The following NBAS variants were observed in gnomAD, a reference collection of about 807,000 sequenced individuals.
NBAS encodes NAG/BC035112 fusion.
In NBAS, 219 loss-of-function variants were observed where a neutral mutation model predicts 302.5. That is an observed-to-expected ratio of 0.72 (90% CI 0.65 to 0.81). NBAS has a LOEUF of 0.81. Among genes scored for constraint, NBAS ranks in the 30% least tolerant of loss-of-function variants. The probability of loss-of-function intolerance (pLI) is 0.00; values close to 1 mark genes in which losing one functional copy is unlikely to be tolerated. For missense variants in NBAS, 2,932 were observed against 2,841.6 expected, an observed-to-expected ratio of 1.03 and a Z score of -0.72; for synonymous variants, 1,118 against 1,021.6, an observed-to-expected ratio of 1.09 and a Z score of -1.80.
the NBAS span, among the ~76,000 whole-genome samples, chr2:14,834,487 T>C: frequency 6.6e-6 from 1 of 152,238 alleles, no homozygotes; most frequent in Non-Finnish European, 1.5e-5. Flanking sequence ...GTAAAAAATA[T>C]CCATTATGCA....
chr2:14,849,479 G>A, the NBAS span, among the ~76,000 whole-genome samples: 1 of 151,880 alleles, frequency 6.6e-6, no homozygotes, highest in African/African-American at 2.4e-5. Context: ...GTGATGCGGA[G>A]AATGGAACCA....
intron 16 of NBAS, among the ~76,000 whole-genome samples, chr2:15,469,417 A>T (rs1679861460): frequency 1.3e-5 from 2 of 152,086 alleles, no homozygotes; most frequent in Admixed American, 6.6e-5. Context: ...GTTATTGTGG[A>T]AGACAGTGTG....
At chr2:14,984,173 A>G in the NBAS span, among the ~76,000 whole-genome samples, 2 of 152,170 alleles carry the variant, frequency 1.3e-5, no homozygotes, top group African/African-American at 4.8e-5. Flanking sequence ...CCCAAGCCCC[A>G]CGATGTACCT....
the NBAS span, among the ~76,000 whole-genome samples, chr2:14,965,701 A>G: frequency 6.6e-6 from 1 of 152,194 alleles, no homozygotes; most frequent in Admixed American, 6.5e-5. Context: ...CCTAGAGCAA[A>G]ACCAAAAAAT....
the NBAS span, among the ~76,000 whole-genome samples, chr2:15,136,920 G>C: frequency 6.6e-6 from 1 of 152,142 alleles, no homozygotes; most frequent in Admixed American, 6.5e-5. Flanking sequence ...TGCCATGATT[G>C]TAAGTTTCCT....
the NBAS span, among the ~76,000 whole-genome samples, chr2:14,828,480 T>C: frequency 1.3e-5 from 2 of 152,184 alleles, no homozygotes; most frequent in Non-Finnish European, 2.9e-5. Context: ...TCAGACCACA[T>C]TGGGTCTTTC....
the NBAS span, among the ~76,000 whole-genome samples, chr2:15,017,609 A>T: frequency 1.3e-5 from 2 of 152,120 alleles, no homozygotes; most frequent in African/African-American, 2.4e-5. Flanking sequence ...TCAAAACCAC[A>T]ATGAAGAATC....
At chr2:15,239,703 C>CATATAT in intron 44 of NBAS, among the ~76,000 whole-genome samples, 2 of 151,030 alleles carry the variant, frequency 1.3e-5, no homozygotes, top group Admixed American at 1.3e-4. Flanking sequence ...TATGCATATA[C>CATATAT]ATATATATAT....
intron 11 of NBAS, among the ~76,000 whole-genome samples, chr2:15,496,973 T>C (rs1681096030): frequency 6.6e-6 from 1 of 151,882 alleles, no homozygotes; most frequent in Non-Finnish European, 1.5e-5. Context: ...ATATGAAAAA[T>C]AGAGCTGATG....
chr2:14,827,179 A>C, the NBAS span, among the ~76,000 whole-genome samples: 1 of 152,238 alleles, frequency 6.6e-6, no homozygotes, highest in South Asian at 2.1e-4. Context: ...TTGAACCACC[A>C]CAGAGCAAGG....
At chr2:15,370,921 C>CA (rs1262782518) in intron 31 of NBAS, among the ~76,000 whole-genome samples, 2 of 152,132 alleles carry the variant, frequency 1.3e-5, no homozygotes, top group Admixed American at 1.3e-4. Context: ...TGGGGGACTG[C>CA]AGGGAAGGCA....
At chr2:15,024,877 G>T in the NBAS span, among the ~76,000 whole-genome samples, 12 of 152,172 alleles carry the variant, frequency 7.9e-5, no homozygotes, top group South Asian at 8.3e-4. Flanking sequence ...TTAATCAGAT[G>T]TACAGTTTGC....
At chr2:15,505,300 A>C (rs764828663) in intron 10 of NBAS, among the ~76,000 whole-genome samples, 4 of 152,118 alleles carry the variant, frequency 2.6e-5, no homozygotes, top group Non-Finnish European at 5.9e-5. Flanking sequence ...TACCACCAAA[A>C]AGACTAAGTC....
chr2:15,343,343 T>C (rs1053208398), intron 35 of NBAS, among the ~76,000 whole-genome samples: 1 of 152,120 alleles, frequency 6.6e-6, no homozygotes, highest in African/African-American at 2.4e-5. Context: ...ACCACAATAC[T>C]ACAGAATCAT....
At chr2:15,186,122 A>ATT (rs1665069487) in intron 50 of NBAS, among the ~76,000 whole-genome samples, 1 of 150,412 alleles carries the variant, frequency 6.6e-6, no homozygotes, top group African/African-American at 2.5e-5. Context: ...ATGTGTATGT[A>ATT]TGTGTGTATA....
the NBAS span, among the ~76,000 whole-genome samples, chr2:15,135,720 C>T: frequency 1.3e-5 from 2 of 151,962 alleles, no homozygotes; most frequent in African/African-American, 4.8e-5. Context: ...GAGTGTAACT[C>T]CCCCCTCCCA....
At position 15,427,643 on chromosome 2, in the gene NBAS, T is replaced by C. The variant is rs189284374; in HGVS notation, c.2423+68A>G. ...TAAGGTTTCATTGGTCAGACACCAC[T>C]TTCACAGGGCCATCAGTTCACCCAT... On this transcript the variant is annotated intron_variant, in intron 22 of 51. Coordinates refer to ENST00000281513, the MANE Select transcript of NBAS (RefSeq NM_015909.4). 3.4e-4 allele frequency: 453 copies of C among 1,333,364 alleles called. 1 individual carries two copies. The African/African-American group carries it at 5.9e-3, about 17-fold the overall frequency. The allele number at this position is 1,333,364 out of a possible 1,614,324, so 82.6% of individuals were successfully genotyped here. A position where few individuals can be genotyped will look rare whatever the true frequency, so the allele number is the denominator to read the frequency against.
chr2:15,207,062 G>T (rs1490972108), intron 48 of NBAS, among the ~76,000 whole-genome samples: 1 of 152,166 alleles, frequency 6.6e-6, no homozygotes, highest in African/African-American at 2.4e-5. Context: ...ACCTGAAAAA[G>T]CCATAGGCAA....
In NBAS at chr2:15,404,510, T is replaced by A. The variant is rs188799494; in HGVS notation, c.2938-2209A>T. On this transcript the variant is annotated intron_variant, in intron 25 of 51. Transcript: ENST00000281513. ...GACATTAAATAATCACTTTTTTTTT[T>A]AATTTTTTTTTTTTTATTTTGAGAC... Among the ~76,000 whole-genome samples the A allele has an allele frequency of 1.3e-3, 195 of 151,210 alleles. 1 individual carries two copies. The highest frequency in any genetic ancestry group is 2.1e-3 in the Admixed American group (32 of 15,168).
Sources: gnomAD v4.1 joint callset for allele counts (sites outside exome capture counted in the v4.1 genomes callset) on GRCh38, gnomAD v4.1.1 for gene constraint, MANE v1.5 for transcripts, NCBI Gene and HGNC (gene_info 2026-07-23, HGNC 2026-07-21) for gene names.